Variants in NRXN3 observed in about 807,000 individuals in gnomAD.
NRXN3 encodes neurexin 3, also known as neurexin III.
In NRXN3, 32 loss-of-function variants were observed where a neutral mutation model predicts 137.6. That is an observed-to-expected ratio of 0.23 (90% confidence interval 0.18 to 0.31). The LOEUF is 0.31. NRXN3 is among the 10% of genes least tolerant of loss of function. NRXN3 has a pLI of 1.00. For synonymous variants in NRXN3, 798 were observed against 784.5 expected (o/e 1.02, Z -0.29); for missense variants, 1,574 against 2,062.5 (o/e 0.76, Z 4.59).
At position 79,045,268 on chromosome 14, in the gene NRXN3, C is replaced by T. The variant is rs115583626; in HGVS notation, c.3262+57127C>T. On this transcript the variant is annotated intron_variant, in intron 15 of 20. Transcript: ENST00000335750. ...ATCTCCTACTGCTCCCCATTCAGCT[C>T]CTCAACAATCGGCAATCACTCTGCC... Among the ~76,000 whole-genome samples the T allele has an allele frequency of 3.9e-3, 590 of 152,290 alleles. 3 individuals carry two copies. The highest frequency in any genetic ancestry group is 0.013 in the African/African-American group (551 of 41,564).
In NRXN3 at chr14:79,532,416, C is replaced by T. The variant is rs79748292; in HGVS notation, c.3444+65014C>T. ...ATACTAAAGTTTTCTTTCATGGAGC[C>T]CCATAGTTGGACCTTCACAAAGGCT... On this transcript the variant is annotated intron_variant, in intron 16 of 20. Transcript: ENST00000335750. Among the ~76,000 whole-genome samples, 92 of 152,038 alleles carry T rather than the reference C, an allele frequency of 6.1e-4. 3 individuals carry two copies. The East Asian group carries it at 0.015, about 25-fold the overall frequency.
chr14:79,709,943 G>T (rs184303542), intron 19 of NRXN3, among the ~76,000 whole-genome samples: 1 of 152,086 alleles, frequency 6.6e-6, no homozygotes. Context: ...AAGGGGGAGG[G>T]GATGACATTT....
intron 1 of NRXN3, among the ~76,000 whole-genome samples, chr14:78,204,710 A>G (rs1188025195): frequency 6.6e-6 from 1 of 152,234 alleles, no homozygotes; most frequent in East Asian, 1.9e-4. Context: ...AAGTGGCATA[A>G]TTGTGCTTTT....
At chr14:79,139,989 A>G (rs552799425) in intron 15 of NRXN3, among the ~76,000 whole-genome samples, 13 of 150,986 alleles carry the variant, frequency 8.6e-5, no homozygotes, top group South Asian at 2.1e-4. Flanking sequence ...ATGTATATAT[A>G]AAACTGGCAA....
chr14:79,063,632 C>G (rs1429167270), intron 15 of NRXN3, among the ~76,000 whole-genome samples: 1 of 152,036 alleles, frequency 6.6e-6, no homozygotes, highest in Non-Finnish European at 1.5e-5. Context: ...GGTATTTCAC[C>G]ACATCATCAC....
chr14:78,778,810 T>TTCTC (rs1325570589), intron 8 of NRXN3, among the ~76,000 whole-genome samples: 18 of 144,086 alleles, frequency 1.2e-4, no homozygotes, highest in Admixed American at 4.9e-4. Context: ...CTTTCTTTCT[T>TTCTC]TCTTTCTTTC....
intron 19 of NRXN3, among the ~76,000 whole-genome samples, chr14:79,709,416 C>T (rs770541497): frequency 7.2e-5 from 11 of 152,104 alleles, no homozygotes; most frequent in Non-Finnish European, 1.2e-4. Flanking sequence ...AATGCTGCTC[C>T]GGGTTTCAGA....
Position 78,225,981 on chromosome 14 carries a change from GTGT to G in NRXN3, c.-703-16409_-703-16407del, listed in dbSNP as rs1567013606. ...TGTGTGTGTGTGTGTGTTGGTGTGT[GTGT>G]GTGTGTGTGTGTGTGTGTGTGTGTG... is the stretch of plus-strand genomic sequence containing the variant. On this transcript the variant is annotated intron_variant, in intron 1 of 20. Coordinates refer to ENST00000335750, the MANE Select transcript of NRXN3 (RefSeq NM_001330195.2). Among the ~76,000 whole-genome samples the G allele has an allele frequency of 9.9e-3, 1,248 of 125,512 alleles. 22 individuals are homozygous for G. Among genetic ancestry groups the G allele is most frequent in the African/African-American group, 0.04 (1,143 of 28,866 alleles). 82.3% of individuals were successfully genotyped at this position (125,512 alleles called of 152,430 possible).
intron 6 of NRXN3, among the ~76,000 whole-genome samples, chr14:78,678,214 A>G (rs2098030475): frequency 5.9e-5 from 9 of 152,110 alleles, no homozygotes; most frequent in Admixed American, 5.9e-4. Flanking sequence ...CATACTGTGC[A>G]TATCTGTACA....
intron 16 of NRXN3, among the ~76,000 whole-genome samples, chr14:79,542,478 G>C (rs2097282714): frequency 6.6e-6 from 1 of 152,022 alleles, no homozygotes; most frequent in African/African-American, 2.4e-5. Context: ...CCACATGTTG[G>C]GCCGTATCTA....
chr14:79,077,765 A>G (rs2046231610), intron 15 of NRXN3, among the ~76,000 whole-genome samples: 1 of 152,188 alleles, frequency 6.6e-6, no homozygotes, highest in South Asian at 2.1e-4. Context: ...AATTATTATT[A>G]TATCAGTCTG....
At chr14:78,766,341 C>T (rs1398925279) in intron 8 of NRXN3, among the ~76,000 whole-genome samples, 1 of 152,162 alleles carries the variant, frequency 6.6e-6, no homozygotes. Flanking sequence ...AACCACAAAC[C>T]TCTGGTAACA....
At chr14:79,364,017 C>T (rs966943128) in intron 15 of NRXN3, among the ~76,000 whole-genome samples, 4 of 152,086 alleles carry the variant, frequency 2.6e-5, no homozygotes, top group Admixed American at 1.3e-4. Context: ...AGAGTGTCAG[C>T]AGTCAGTGTG....
chr14:79,095,622 G>T (rs1228610403), intron 15 of NRXN3, among the ~76,000 whole-genome samples: 1 of 151,330 alleles, frequency 6.6e-6, no homozygotes, highest in African/African-American at 2.4e-5. Flanking sequence ...ATATCGATTT[G>T]TGGGAAGAAG....
At chr14:78,200,214 C>G (rs2061556774) in intron 1 of NRXN3, among the ~76,000 whole-genome samples, 1 of 152,126 alleles carries the variant, frequency 6.6e-6, no homozygotes, top group Non-Finnish European at 1.5e-5. Flanking sequence ...GAGGCCAACC[C>G]AAATCTTCAA....
intron 15 of NRXN3, among the ~76,000 whole-genome samples, chr14:79,157,281 A>T (rs899757831): frequency 3.9e-5 from 6 of 151,936 alleles, no homozygotes; most frequent in Middle Eastern, 3.4e-3. Flanking sequence ...TCAGCATTGA[A>T]TCAACATCTC....
chr14:78,288,079 A>T (rs1369151518), intron 3 of NRXN3, among the ~76,000 whole-genome samples: 1 of 151,880 alleles, frequency 6.6e-6, no homozygotes, highest in Non-Finnish European at 1.5e-5. Flanking sequence ...TCCCAAGTTC[A>T]AGCGATTCTC....
chr14:78,895,939 A>G (rs1270353946), intron 10 of NRXN3, among the ~76,000 whole-genome samples: 2 of 151,876 alleles, frequency 1.3e-5, no homozygotes, highest in African/African-American at 4.8e-5. Flanking sequence ...AAGAATTACA[A>G]TAATGACATC....
intron 15 of NRXN3, among the ~76,000 whole-genome samples, chr14:79,258,947 G>C (rs1477368399): frequency 6.6e-6 from 1 of 152,204 alleles, no homozygotes; most frequent in Non-Finnish European, 1.5e-5. Flanking sequence ...AGTAGAGATA[G>C]GTTTGGTTGT....
Sources: allele counts gnomAD v4.1 joint callset (sites outside exome capture counted in the v4.1 genomes callset), GRCh38; gene constraint gnomAD v4.1.1; transcripts MANE v1.5; gene names NCBI Gene and HGNC (gene_info 2026-07-23, HGNC 2026-07-21).